Variants in SI observed in about 807,000 individuals in gnomAD.
The protein encoded by SI is sucrase-isomaltase.
A neutral mutation model predicts 253.3 loss-of-function variants in SI; 235 were observed. That is an observed-to-expected ratio of 0.93 (90% CI 0.83 to 1.03). The LOEUF (loss-of-function observed/expected upper bound fraction) is 1.03. Among genes scored for constraint, SI ranks in the 50% least tolerant of loss-of-function variants. SI has a pLI of 0.00. For missense variants in SI, 2,442 were observed against 2,211.1 expected (o/e 1.10, Z -2.09); for synonymous variants, 819 against 712.0 (o/e 1.15, Z -2.39).
intron 36 of SI, among the ~76,000 whole-genome samples, chr3:165,007,323 G>T (rs1479693473): frequency 1.3e-5 from 2 of 152,120 alleles, no homozygotes; most frequent in East Asian, 3.9e-4. Flanking sequence ...CATTTTCTCA[G>T]TTTAAGATTT....
intron 45 of SI, among the ~76,000 whole-genome samples, chr3:164,986,245 T>A: frequency 6.6e-6 from 1 of 152,140 alleles, no homozygotes; most frequent in East Asian, 1.9e-4. Flanking sequence ...CTCTTGCTCC[T>A]TACTCTCTAG....
At chr3:165,046,373 C>T (rs550522788) in intron 16 of SI, among the ~76,000 whole-genome samples, 8 of 144,258 alleles carry the variant, frequency 5.5e-5, no homozygotes, top group Non-Finnish European at 1.2e-4. Context: ...TCCTAGTACA[C>T]ATTTTCTCCA....
chr3:165,014,237 A>AT (rs529634147), intron 33 of SI, among the ~76,000 whole-genome samples: 87 of 151,320 alleles, frequency 5.7e-4, no homozygotes, highest in African/African-American at 1.0e-3. Context: ...CTCATCATAG[A>AT]TTTTTTTTTG....
upstream of SI, among the ~76,000 whole-genome samples, chr3:165,082,592 A>C (rs1466531044): frequency 6.6e-6 from 1 of 151,922 alleles, no homozygotes; most frequent in Non-Finnish European, 1.5e-5. Context: ...TCATGCTTGT[A>C]GTATAGTGCT....
Position 165,006,950 on chromosome 3 carries a change from G to C in SI, c.4272C>G (p.Leu1424=). The C allele has an allele frequency of 1.2e-6, 2 of 1,605,906 alleles. No individual in the cohort carries two copies. Among genetic ancestry groups the C allele is most frequent in the Non-Finnish European group, 1.7e-6 (2 of 1,173,708 alleles). The change falls in exon 37 of 48, where the codon CTC becomes CTG. Residue 1424 remains leucine, a synonymous_variant. Coordinates refer to ENST00000264382, the MANE Select transcript of SI (RefSeq NM_001041.4). ...AATGTAATCCATCAGTTCTTTTTGT[G>C]AGTTCTGGAAAGAATCAATGAAAAA... ...ELNYPPYFPE[L]TKRTDGLHFR...
chr3:165,037,067 C>T lies in SI; in HGVS notation c.2427-590G>A, dbSNP rs1165247096. Among the ~76,000 whole-genome samples, 4 of 151,508 alleles carry T rather than the reference C, an allele frequency of 2.6e-5. No homozygotes were observed. The Admixed American group carries it at 2.6e-4, about 10-fold the overall frequency. Reference sequence around the variant, plus strand: ...TACCAAAGTGTTTGTTGCTGTTGATCATTACAGCTCTGGTGTATAACAATT... The same window carrying T: ...TACCAAAGTGTTTGTTGCTGTTGATTATTACAGCTCTGGTGTATAACAATT... On this transcript the variant is annotated intron_variant, in intron 21 of 47. Coordinates refer to ENST00000264382, the MANE Select transcript of SI (RefSeq NM_001041.4).
chr3:165,071,305 T>C (rs368267896), intron 3 of SI, among the ~76,000 whole-genome samples: 1 of 151,958 alleles, frequency 6.6e-6, no homozygotes, highest in South Asian at 2.1e-4. Flanking sequence ...ATACTTGTTA[T>C]TTATGTTTAG....
At chr3:165,023,525 C>T in intron 26 of SI, 45 bp downstream of exon 26, 8 of 1,284,962 alleles carry the variant, frequency 6.2e-6, no homozygotes, top group Non-Finnish European at 9.1e-6. Context: ...AAAATCTCAT[C>T]TCACAAGATG....
chr3:165,043,645 T>C (rs890733663), intron 16 of SI, among the ~76,000 whole-genome samples: 8 of 152,068 alleles, frequency 5.3e-5, no homozygotes, highest in Non-Finnish European at 8.8e-5. Flanking sequence ...CTTTGCCCGA[T>C]GTGTACCCAT....
intron 25 of SI, 23 bp from the exon 26 acceptor site, chr3:165,023,799 T>C (rs776433681): frequency 2.3e-5 from 35 of 1,518,266 alleles, no homozygotes; most frequent in Non-Finnish European, 7.3e-6. Flanking sequence ...TGCATGTTCA[T>C]TGCCAGAAAT....
chr3:165,048,869 G>A (rs927037861), intron 15 of SI, among the ~76,000 whole-genome samples: 11 of 152,004 alleles, frequency 7.2e-5, no homozygotes, highest in South Asian at 2.1e-4. Context: ...TGCCTGCCTC[G>A]GCCTCCCAAT....
Position 165,068,697 on chromosome 3 carries a change from T to A in SI, c.483+25A>T, listed in dbSNP as rs1286784362. Reference sequence around the variant, plus strand: ...CCATCAAATGTCTTTTAGTATTAAATCTTTGGAAACCTTAAAAACCGAACC... The same window carrying A: ...CCATCAAATGTCTTTTAGTATTAAAACTTTGGAAACCTTAAAAACCGAACC... On this transcript the variant is annotated intron_variant, in intron 5 of 47. Transcript: ENST00000264382. 6 of 1,541,204 alleles carry A rather than the reference T, an allele frequency of 3.9e-6. No homozygotes were observed. The African/African-American group carries it at 8.2e-5, about 21-fold the overall frequency.
At chr3:165,020,348 A>G (rs1160222088) in intron 27 of SI, among the ~76,000 whole-genome samples, 1 of 151,772 alleles carries the variant, frequency 6.6e-6, no homozygotes, top group Non-Finnish European at 1.5e-5. Context: ...TGCAAGAAGA[A>G]CATAAAGAGG....
At chr3:165,017,698 C>T (rs1347564000) in intron 30 of SI, 25 bp from the exon 31 acceptor site, 1 of 1,610,206 alleles carries the variant, frequency 6.2e-7, no homozygotes, top group East Asian at 2.2e-5. Flanking sequence ...CATGTGTGAA[C>T]TAAGAGAATT....
Position 165,046,907 on chromosome 3 carries a change from A to G in SI, c.1821T>C (p.Ala607=). Residue 607 remains alanine (A), a synonymous_variant, in exon 16 of 48, where the codon GCT becomes GCC. Coordinates refer to ENST00000264382, the MANE Select transcript of SI (RefSeq NM_001041.4). The part of the protein sequence containing the change: ...HAAHWLGDNT[A]SWEQMEWSIT... ...TAGACCATTCCATTTGTTCCCATGAAGCAGTATTGTCTCCTAACCAATGCG... is the reference window on the plus strand; with the variant it reads ...TAGACCATTCCATTTGTTCCCATGAGGCAGTATTGTCTCCTAACCAATGCG... The G allele has an allele frequency of 6.2e-7, 1 of 1,613,298 alleles. No homozygotes were observed. The highest frequency in any genetic ancestry group is 8.5e-7 in the Non-Finnish European group (1 of 1,179,524).
At chr3:164,985,368 C>A (rs1457829472) in intron 45 of SI, among the ~76,000 whole-genome samples, 2 of 152,112 alleles carry the variant, frequency 1.3e-5, no homozygotes, top group Non-Finnish European at 2.9e-5. Flanking sequence ...ACTTCATAGA[C>A]CCTCAGTCAT....
At chr3:165,074,955 T>A (rs1279455971) in intron 2 of SI, among the ~76,000 whole-genome samples, 1 of 151,782 alleles carries the variant, frequency 6.6e-6, no homozygotes, top group African/African-American at 2.4e-5. Flanking sequence ...GGTAACAAAA[T>A]ATACATTCAT....
At chr3:165,034,716 A>C (rs1392645134) in intron 22 of SI, among the ~76,000 whole-genome samples, 1 of 151,944 alleles carries the variant, frequency 6.6e-6, no homozygotes, top group Non-Finnish European at 1.5e-5. Context: ...GTGTGCGTGC[A>C]TGCACGTGTG....
chr3:164,992,398 C>A lies in SI; in HGVS notation c.4842-1G>T. On this transcript the variant is annotated splice_acceptor_variant, in intron 41 of 47. Transcript: ENST00000264382. LOFTEE classifies it high-confidence loss of function. ...CCAGGTTGGTTTTTCATCAAAGAACCTCGACAAAATTATCACAAATAATTA... is the reference window on the plus strand; with the variant it reads ...CCAGGTTGGTTTTTCATCAAAGAACATCGACAAAATTATCACAAATAATTA... 4 of 1,595,188 alleles carry A rather than the reference C, an allele frequency of 2.5e-6. No homozygotes were observed. Among genetic ancestry groups the A allele is most frequent in the Non-Finnish European group, 3.4e-6 (4 of 1,165,424 alleles).
Sources: allele counts gnomAD v4.1 joint callset (sites outside exome capture counted in the v4.1 genomes callset), GRCh38; gene constraint gnomAD v4.1.1; transcripts MANE v1.5; gene names NCBI Gene and HGNC (gene_info 2026-07-23, HGNC 2026-07-21).